ZYX: variants seen among roughly 807,000 people sequenced by gnomAD.
The protein encoded by ZYX is zyxin, also known as zyxin-2.
A neutral mutation model predicts 58.1 loss-of-function variants in ZYX; 37 were observed. The observed-to-expected ratio is 0.64, with a 90% CI of 0.49 to 0.84. The LOEUF is 0.84. ZYX is among the 40% of genes least tolerant of loss of function. The pLI, the probability that ZYX is intolerant of heterozygous loss-of-function variation, is 0.00. For synonymous variants in ZYX, 324 were observed against 321.1 expected (o/e 1.01, Z -0.10); for missense variants, 762 against 761.6 (o/e 1.00, Z -0.01).
At position 143,382,847 on chromosome 7, in the gene ZYX, C is replaced by T. The variant is rs555454253; in HGVS notation, c.548C>T (p.Ser183Phe). 30 of 1,610,134 alleles carry T rather than the reference C, an allele frequency of 1.9e-5. No homozygotes were observed. The African/African-American group carries it at 3.7e-4, about 20-fold the overall frequency. ...VPPPVATPFS[S>F]KSSTKPAAGG... ...CCACCAGTGGCCACTCCATTCAGTT[C>T]CAAGTCCAGTACCAAGCCTGCAGCC... The change falls in exon 5 of 10, where the codon TCC becomes TTC. Residue 183 changes from serine to phenylalanine, a missense_variant. Coordinates refer to ENST00000322764, the MANE Select transcript of ZYX (RefSeq NM_003461.5).
Position 143,390,343 on chromosome 7 carries a change from G to C in ZYX, c.1615-235G>C. The C allele has an allele frequency of 1.7e-6, 1 of 573,012 alleles. No individual in the cohort carries two copies. Among genetic ancestry groups the C allele is most frequent in the Admixed American group, 3.1e-5 (1 of 32,766 alleles). The allele number at this position is 573,012 out of a possible 1,614,324, so 35.5% of individuals were successfully genotyped here. On this transcript the variant is annotated intron_variant, in intron 9 of 9. Coordinates refer to ENST00000322764, the MANE Select transcript of ZYX (RefSeq NM_003461.5). The surrounding 1 kb of genome is among the most constrained non-coding windows in gnomAD (Gnocchi z 4.3). Reference sequence around the variant, plus strand: ...TATTAGGGTGGTGGTGGGCAGGGGAGCAAGCACCTTGGGAGCAGCTCTACC... The same window carrying C: ...TATTAGGGTGGTGGTGGGCAGGGGACCAAGCACCTTGGGAGCAGCTCTACC...
rs761341303 is a variant in ZYX, at chr7:143,382,575, TG to T, written c.409-17del. Reference sequence around the variant, plus strand: ...GGATAGAGGCATGGAATAGGTGCTCTGACCTCTGACCCTCTAGCCCAGGGAG... The same window carrying T: ...GGATAGAGGCATGGAATAGGTGCTCTACCTCTGACCCTCTAGCCCAGGGAG... On this transcript the variant is annotated splice_polypyrimidine_tract_variant and intron_variant, in intron 3 of 9. Coordinates refer to ENST00000322764, the MANE Select transcript of ZYX (RefSeq NM_003461.5). 1 of 1,613,418 alleles carries T rather than the reference TG, an allele frequency of 6.2e-7. No homozygotes were observed. The highest frequency in any genetic ancestry group is 8.5e-7 in the Non-Finnish European group (1 of 1,179,558).
At chr7:143,386,332 C>T (rs113824341) in intron 5 of ZYX, among the ~76,000 whole-genome samples, 12 of 151,742 alleles carry the variant, frequency 7.9e-5, no homozygotes, top group African/African-American at 2.4e-4. Flanking sequence ...ATAGGAAGGA[C>T]GATGAGGGAG....
In ZYX at chr7:143,382,353, C is replaced by G; in HGVS notation, c.314C>G (p.Pro105Arg). 6.2e-7 allele frequency: 1 copy of G among 1,601,140 alleles called. No individual in the cohort carries two copies. Among genetic ancestry groups the G allele is most frequent in the Non-Finnish European group, 8.5e-7 (1 of 1,172,630 alleles). The change falls in exon 3 of 10, where the codon CCC (proline) becomes CGC (arginine). Residue 105 changes from proline (P) to arginine (R), a missense_variant. Transcript: ENST00000322764. ...PPPPPIEESFPPAPLEEEIFP... is the reference protein window; with the variant it reads ...PPPPPIEESFRPAPLEEEIFP... ...CCTCCCCCGATCGAGGAATCATTTC[C>G]CCCTGCGCCTCTGGAGGAGGAGATC...
rs1015506400 is a variant in ZYX, at chr7:143,384,445, A to G, written c.1023+1123A>G. Among the ~76,000 whole-genome samples the G allele has an allele frequency of 6.6e-6, 1 of 152,138 alleles. No homozygotes were observed. On this transcript the variant is annotated intron_variant, in intron 5 of 9. Transcript: ENST00000322764. This position sits in a 1 kb window ranked among gnomAD's most constrained non-coding sequence, Gnocchi z 4.9. ...GAGGGTGTAGGAGGTGAAGTGGCTC[A>G]CCCAAGGAGCTCTTGAGCACTGGAG...
chr7:143,388,069 G>A lies in ZYX; in HGVS notation c.1024-150G>A, dbSNP rs1477971904. ...GGTGCTGGGGATGGCGGGGGTAGGG[G>A]GACGAGGGAGAAGCTTTAAGGGTCA... On this transcript the variant is annotated intron_variant, in intron 5 of 9. Transcript: ENST00000322764. This position sits in a 1 kb window ranked among gnomAD's most constrained non-coding sequence, Gnocchi z 7.5. 2.2e-6 allele frequency: 2 copies of A among 901,096 alleles called. No homozygotes were observed. Among genetic ancestry groups the A allele is most frequent in the South Asian group, 1.7e-5 (1 of 57,888 alleles). 55.8% of individuals were successfully genotyped at this position (901,096 alleles called of 1,614,324 possible).
chr7:143,383,490 G>A (rs975530119), intron 5 of ZYX, among the ~76,000 whole-genome samples, 168 bp downstream of exon 5: 1 of 152,162 alleles, frequency 6.6e-6, no homozygotes, highest in Non-Finnish European at 1.5e-5. Flanking sequence ...TGGAACAATG[G>A]TAGGAAAATG....
At position 143,390,280 on chromosome 7, in the gene ZYX, G is replaced by A. The variant is rs930780197; in HGVS notation, c.1615-298G>A. The stretch of plus-strand genomic sequence containing the variant: ...GGGGATGGGGAAACAGGAGCTGAGA[G>A]AAGAGGTCTTCGAATGGAGGTGAGC... On this transcript the variant is annotated intron_variant, in intron 9 of 9. Transcript: ENST00000322764. This position sits in a 1 kb window ranked among gnomAD's most constrained non-coding sequence, Gnocchi z 4.3. 7.3e-6 allele frequency: 4 copies of A among 547,856 alleles called. No individual in the cohort carries two copies. The highest frequency in any genetic ancestry group is 1.3e-5 in the Non-Finnish European group (4 of 304,682). 33.9% of individuals were successfully genotyped at this position (547,856 alleles called of 1,614,324 possible). A position where few individuals can be genotyped will look rare whatever the true frequency, so the allele number is the denominator to read the frequency against.
Position 143,381,731 on chromosome 7 carries a change from C to A in ZYX, c.160C>A (p.Arg54Ser), listed in dbSNP as rs557783462. The change falls in exon 2 of 10, where the codon CGC becomes AGC. Residue 54 changes from arginine (R) to serine (S), a missense_variant. Coordinates refer to ENST00000322764, the MANE Select transcript of ZYX (RefSeq NM_003461.5). ...GCCTCCCCCGGCACCCGGGGCCCAG[C>A]GCGCACAGATGGGCCGGGTGGGCGA... ...SEPPPAPGAQ[R>S]AQMGRVGEIP... The A allele has an allele frequency of 2.5e-6, 4 of 1,599,062 alleles. No individual in the cohort carries two copies. Among genetic ancestry groups the A allele is most frequent in the East Asian group, 2.3e-5 (1 of 43,636 alleles).
Position 143,390,326 on chromosome 7 carries a change from T to G in ZYX, c.1615-252T>G. The G allele has an allele frequency of 5.3e-6, 3 of 563,856 alleles. No individual in the cohort carries two copies. Among genetic ancestry groups the G allele is most frequent in the Non-Finnish European group, 6.4e-6 (2 of 314,506 alleles). 34.9% of individuals were successfully genotyped at this position (563,856 alleles called of 1,614,324 possible). ...TGAGCCAACCTCTATTTTATTAGGG[T>G]GGTGGTGGGCAGGGGAGCAAGCACC... On this transcript the variant is annotated intron_variant, in intron 9 of 9. Coordinates refer to ENST00000322764, the MANE Select transcript of ZYX (RefSeq NM_003461.5). This position sits in a 1 kb window ranked among gnomAD's most constrained non-coding sequence, Gnocchi z 4.3.
At position 143,387,787 on chromosome 7, in the gene ZYX, G is replaced by T. The variant is rs1586569737; in HGVS notation, c.1024-432G>T. ...GGGCTGCTCAGCAGCAGGCAGGCCG[G>T]GTAGGTGTGTGTGCGCGTGTGTGCA... On this transcript the variant is annotated intron_variant, in intron 5 of 9. Coordinates refer to ENST00000322764, the MANE Select transcript of ZYX (RefSeq NM_003461.5). The surrounding 1 kb of genome is among the most constrained non-coding windows in gnomAD (Gnocchi z 5.8). 2.1e-6 allele frequency: 1 copy of T among 473,412 alleles called. No individual in the cohort carries two copies. Among genetic ancestry groups the T allele is most frequent in the South Asian group, 1.5e-5 (1 of 64,596 alleles). 29.3% of individuals were successfully genotyped at this position (473,412 alleles called of 1,614,324 possible).
chr7:143,388,609 A>G lies in ZYX; in HGVS notation c.1265A>G (p.Gln422Arg), dbSNP rs1804951607. The change falls in exon 7 of 10, where the codon CAG becomes CGG. Residue 422 changes from glutamine (Q) to arginine (R), a missense_variant. Transcript: ENST00000322764. The surrounding 1 kb of genome is among the most constrained non-coding windows in gnomAD (Gnocchi z 7.5). ...CHQCAQQLQG[Q>R]QFYSLEGAPY... ...CAGTGTGCGCAGCAGCTCCAGGGCCAGCAGTTCTACAGTCTGGAGGGGGCG... is the reference window on the plus strand; with the variant it reads ...CAGTGTGCGCAGCAGCTCCAGGGCCGGCAGTTCTACAGTCTGGAGGGGGCG... The G allele has an allele frequency of 1.2e-6, 2 of 1,613,286 alleles. No individual in the cohort carries two copies. Among genetic ancestry groups the G allele is most frequent in the African/African-American group, 1.3e-5 (1 of 75,002 alleles).
At position 143,383,004 on chromosome 7, in the gene ZYX, A is replaced by T. The variant is rs759976721; in HGVS notation, c.705A>T (p.Gln235His). The part of the protein sequence containing the change: ...QPQPQPKPQV[Q>H]LHVQSQTQPV... ...AGCCCCAGCCCAAGCCTCAGGTCCAACTCCATGTCCAGTCCCAGACCCAGC... is the reference window on the plus strand; with the variant it reads ...AGCCCCAGCCCAAGCCTCAGGTCCATCTCCATGTCCAGTCCCAGACCCAGC... Residue 235 changes from glutamine (Q) to histidine (H), a missense_variant, in exon 5 of 10, where the codon CAA becomes CAT. Physicochemically the swap from Gln to His is conservative, Grantham distance 24 (BLOSUM62 0). Transcript: ENST00000322764. 26 of 1,613,416 alleles carry T rather than the reference A, an allele frequency of 1.6e-5. No individual in the cohort carries two copies. Among genetic ancestry groups the T allele is most frequent in the Middle Eastern group, 1.6e-4 (1 of 6,084 alleles).
chr7:143,382,703 A>G lies in ZYX; in HGVS notation c.501+18A>G. ...AAGCCCGGGTAAGGGACCGGAGAGT[A>G]GGAAAAGCAGGGCTCAGGGCCAGAG... On this transcript the variant is annotated intron_variant, in intron 4 of 9. Transcript: ENST00000322764. 6.2e-7 allele frequency: 1 copy of G among 1,614,126 alleles called. No individual in the cohort carries two copies. Among genetic ancestry groups the G allele is most frequent in the South Asian group, 1.1e-5 (1 of 91,084 alleles).
rs141061056 is a variant in ZYX at position 143,382,508 on chromosome 7, C to T, written c.408+61C>T. 2.5e-5 allele frequency: 40 copies of T among 1,593,122 alleles called. No homozygotes were observed. In the East Asian group the frequency reaches 8.7e-4, roughly 35 times the overall value. On this transcript the variant is annotated intron_variant, in intron 3 of 9. Transcript: ENST00000322764. ...CCCCCAAGGAGAGGAGAAGAGGGCCCTTTCTTCTTACCTCCCCTGCACCTC... is the reference window on the plus strand; with the variant it reads ...CCCCCAAGGAGAGGAGAAGAGGGCCTTTTCTTCTTACCTCCCCTGCACCTC...
rs886431469 is a variant in ZYX at position 143,389,748 on chromosome 7, GATGC to G, written c.1494-107_1494-104del. On this transcript the variant is annotated intron_variant, in intron 8 of 9. Coordinates refer to ENST00000322764, the MANE Select transcript of ZYX (RefSeq NM_003461.5). This position sits in a 1 kb window ranked among gnomAD's most constrained non-coding sequence, Gnocchi z 5.6. Reference sequence around the variant, plus strand: ...TTCTGGTGAGCTTCCTTCACCTGGAGATGCAGGGCAGAGAAGTCTGCTTCCTTGC... The same window carrying G: ...TTCTGGTGAGCTTCCTTCACCTGGAGAGGGCAGAGAAGTCTGCTTCCTTGC... 10 of 1,490,760 alleles carry G rather than the reference GATGC, an allele frequency of 6.7e-6. No individual in the cohort carries two copies. In the Admixed American group the frequency reaches 1.9e-4, roughly 29 times the overall value. The allele number at this position is 1,490,760 out of a possible 1,614,324, so 92.3% of individuals were successfully genotyped here.
At position 143,388,976 on chromosome 7, in the gene ZYX, C is replaced by T. The variant is rs771714911; in HGVS notation, c.1493+31C>T. On this transcript the variant is annotated intron_variant, in intron 8 of 9. Transcript: ENST00000322764. The surrounding 1 kb of genome is among the most constrained non-coding windows in gnomAD (Gnocchi z 7.5). ...GACCTGCCACCTGCCTTCTGGGTTCCCGGCGTGCTTGGTCTGGTAGCCCGG... is the reference window on the plus strand; with the variant it reads ...GACCTGCCACCTGCCTTCTGGGTTCTCGGCGTGCTTGGTCTGGTAGCCCGG... 1 of 1,588,434 alleles carries T rather than the reference C, an allele frequency of 6.3e-7. No individual in the cohort carries two copies. Among genetic ancestry groups the T allele is most frequent in the Non-Finnish European group, 8.6e-7 (1 of 1,166,968 alleles).
Position 143,387,838 on chromosome 7 carries a change from G to A in ZYX, c.1024-381G>A, listed in dbSNP as rs1586569850. ...CGCCATTGCGTGCCCCTGTCCCATG[G>A]GGGCGATGTCCGAGCATGCTCTGTG... is the stretch of plus-strand genomic sequence containing the variant. On this transcript the variant is annotated intron_variant, in intron 5 of 9. Coordinates refer to ENST00000322764, the MANE Select transcript of ZYX (RefSeq NM_003461.5). The surrounding 1 kb of genome is among the most constrained non-coding windows in gnomAD (Gnocchi z 5.8). 1.0e-5 allele frequency: 5 copies of A among 482,490 alleles called. No individual in the cohort carries two copies. In the East Asian group the frequency reaches 3.3e-4, roughly 32 times the overall value. 29.9% of individuals were successfully genotyped at this position (482,490 alleles called of 1,614,324 possible).
rs1350665520 is a variant in ZYX at position 143,384,135 on chromosome 7, G to C, written c.1023+813G>C. ...AATTTCTGGTGACGAAGATGACCCT[G>C]ATGGTCATCTAGTCCAAGCATCCAG... On this transcript the variant is annotated intron_variant, in intron 5 of 9. Coordinates refer to ENST00000322764, the MANE Select transcript of ZYX (RefSeq NM_003461.5). This position sits in a 1 kb window ranked among gnomAD's most constrained non-coding sequence, Gnocchi z 4.9. 24 of 466,690 alleles carry C rather than the reference G, an allele frequency of 5.1e-5. 1 individual carries two copies. The Admixed American group carries it at 5.7e-4, about 11-fold the overall frequency. 28.9% of individuals were successfully genotyped at this position (466,690 alleles called of 1,614,324 possible).
Sources: allele counts gnomAD v4.1 joint callset (sites outside exome capture counted in the v4.1 genomes callset), GRCh38; gene constraint gnomAD v4.1.1; non-coding constraint Gnocchi (gnomAD v3.1); transcripts MANE v1.5; gene names NCBI Gene and HGNC (gene_info 2026-07-23, HGNC 2026-07-21).